UGT1A8: variants seen among roughly 807,000 people sequenced by gnomAD.
UGT1A8 encodes the protein UDP glucuronosyltransferase family 1 member A8, also known as UDP-glucuronosyltransferase 1A8.
UGT1A8 carries 39 observed loss-of-function variants against 45.3 expected under a neutral mutation model. The observed-to-expected ratio is 0.86, with a 90% CI of 0.67 to 1.12. UGT1A8 has a LOEUF of 1.12. Ranked by LOEUF, UGT1A8 falls within the 50% of genes most tolerant of loss-of-function variation. The probability of loss-of-function intolerance (pLI) is 0.00; values close to 1 mark genes in which losing one functional copy is unlikely to be tolerated. For missense variants in UGT1A8, 719 were observed against 664.9 expected (o/e 1.08, Z -0.90); for synonymous variants, 275 against 249.2 (o/e 1.10, Z -0.97).
In UGT1A8 at chr2:233,634,139, C is replaced by T. The variant is rs182290897; in HGVS notation, c.855+15577C>T. ...CAGTTTTGAGTGAGTTTCTTAATCC[C>T]GAGTTCTAATTTGATTGCACTGTGA... On this transcript the variant is annotated intron_variant, in intron 1 of 4. Coordinates refer to ENST00000373450, the MANE Select transcript of UGT1A8 (RefSeq NM_019076.5). 4.2e-3 allele frequency among the ~76,000 whole-genome samples: 645 copies of T among 152,048 alleles called. 4 individuals carry two copies. Among genetic ancestry groups the T allele is most frequent in the African/African-American group, 0.014 (599 of 41,516 alleles).
In UGT1A8 at chr2:233,682,932, C is replaced by T. The variant is rs935120253; in HGVS notation, c.855+64370C>T. 4 of 1,451,804 alleles carry T rather than the reference C, an allele frequency of 2.8e-6. No homozygotes were observed. In the African/African-American group the frequency reaches 5.7e-5, roughly 21 times the overall value. The allele number at this position is 1,451,804 out of a possible 1,614,324, so 89.9% of individuals were successfully genotyped here. Reference sequence around the variant, plus strand: ...TTTAAGGAATTCTTTTGTACCAATTCACTTAATTGTTGGGTAGCAAATTGT... The same window carrying T: ...TTTAAGGAATTCTTTTGTACCAATTTACTTAATTGTTGGGTAGCAAATTGT... On this transcript the variant is annotated intron_variant, in intron 1 of 4. Coordinates refer to ENST00000373450, the MANE Select transcript of UGT1A8 (RefSeq NM_019076.5).
chr2:233,709,219 T>G (rs2076065837), intron 1 of UGT1A8, among the ~76,000 whole-genome samples: 1 of 151,980 alleles, frequency 6.6e-6, no homozygotes, highest in African/African-American at 2.4e-5. Context: ...CATTTGAGAG[T>G]TTGGGGGAGG....
At chr2:233,760,529 T>C (rs1169787218) in intron 1 of UGT1A8, 1 of 1,614,248 alleles carries the variant, frequency 6.2e-7, no homozygotes, top group Middle Eastern at 1.6e-4. Flanking sequence ...ACGTACCCTG[T>C]GCCATTCCAA....
Position 233,743,999 on chromosome 2 carries a change from G to A in UGT1A8, c.856-23035G>A, listed in dbSNP as rs981482683. On this transcript the variant is annotated intron_variant, in intron 1 of 4. Coordinates refer to ENST00000373450, the MANE Select transcript of UGT1A8 (RefSeq NM_019076.5). The stretch of plus-strand genomic sequence containing the variant: ...CACCCAGGCGCAGGCCCGAGTGCTC[G>A]GAGACCTGGGCCGCCTGGAGAGACG... The A allele has an allele frequency of 1.1e-4, 135 of 1,220,038 alleles. 4 individuals carry two copies. The African/African-American group carries it at 1.5e-3, about 14-fold the overall frequency. The allele number at this position is 1,220,038 out of a possible 1,614,324, so 75.6% of individuals were successfully genotyped here. A position where few individuals can be genotyped will look rare whatever the true frequency, so the allele number is the denominator to read the frequency against.
chr2:233,671,663 A>G (rs1180249368), intron 1 of UGT1A8, among the ~76,000 whole-genome samples: 1 of 152,236 alleles, frequency 6.6e-6, no homozygotes, highest in East Asian at 1.9e-4. Flanking sequence ...TCTGCTTCTA[A>G]ACTTAACATT....
At chr2:233,650,456 G>C (rs2073711380) in intron 1 of UGT1A8, among the ~76,000 whole-genome samples, 1 of 152,202 alleles carries the variant, frequency 6.6e-6, no homozygotes, top group African/African-American at 2.4e-5. Context: ...GCTGTTAATT[G>C]TCAGTCTTCT....
At chr2:233,647,740 A>C (rs1025103762) in intron 1 of UGT1A8, among the ~76,000 whole-genome samples, 1 of 152,184 alleles carries the variant, frequency 6.6e-6, no homozygotes, top group East Asian at 1.9e-4. Context: ...TACTGCTCTC[A>C]TTCCTGATAT....
chr2:233,680,294 A>C (rs1489450054), intron 1 of UGT1A8, among the ~76,000 whole-genome samples: 1 of 152,106 alleles, frequency 6.6e-6, no homozygotes, highest in East Asian at 1.9e-4. Context: ...ATCATTTTTT[A>C]CTCTGACATG....
intron 1 of UGT1A8, among the ~76,000 whole-genome samples, chr2:233,671,329 A>G (rs1252497288): frequency 6.6e-6 from 1 of 152,196 alleles, no homozygotes; most frequent in African/African-American, 2.4e-5. Flanking sequence ...GGTATGGTCC[A>G]TGGAAGCAGG....
intron 1 of UGT1A8, among the ~76,000 whole-genome samples, chr2:233,709,702 T>A (rs2125616518): frequency 6.6e-6 from 1 of 152,356 alleles, no homozygotes; most frequent in East Asian, 1.9e-4. Context: ...AATTTTGTTC[T>A]TTTTTAATTG....
intron 1 of UGT1A8, among the ~76,000 whole-genome samples, chr2:233,762,481 T>G (rs948381917): frequency 6.6e-6 from 1 of 152,238 alleles, no homozygotes. Flanking sequence ...ATCACTCCAG[T>G]TTTAAATGCT....
At chr2:233,682,656 C>T (rs371311391) in intron 1 of UGT1A8, 32 of 1,613,804 alleles carry the variant, frequency 2.0e-5, no homozygotes, top group Non-Finnish European at 2.4e-5. Context: ...ACCCCTGTCA[C>T]GGCATATGAT....
At chr2:233,619,579 T>C (rs2072963439) in intron 1 of UGT1A8, among the ~76,000 whole-genome samples, 1 of 152,204 alleles carries the variant, frequency 6.6e-6, no homozygotes. Context: ...TTGTTTTATA[T>C]ACATAAATAA....
chr2:233,704,074 A>G (rs2075766194), intron 1 of UGT1A8, among the ~76,000 whole-genome samples: 1 of 151,960 alleles, frequency 6.6e-6, no homozygotes, highest in Admixed American at 6.6e-5. Flanking sequence ...TATTTTTTAT[A>G]GAGACAGAGT....
At chr2:233,656,520 T>G (rs1575404981) in intron 1 of UGT1A8, among the ~76,000 whole-genome samples, 1 of 152,228 alleles carries the variant, frequency 6.6e-6, no homozygotes, top group East Asian at 1.9e-4. Context: ...AAAAACTCTG[T>G]GGCAGTTGGA....
At chr2:233,646,623 T>C (rs1290624649) in intron 1 of UGT1A8, among the ~76,000 whole-genome samples, 1 of 121,898 alleles carries the variant, frequency 8.2e-6, no homozygotes, top group Non-Finnish European at 2.1e-5. Context: ...CCAGTCTCTT[T>C]GCTAAAACAT....
chr2:233,617,689 C>G lies in UGT1A8; in HGVS notation c.-19C>G. 1 of 1,602,484 alleles carries G rather than the reference C, an allele frequency of 6.2e-7. No individual in the cohort carries two copies. The highest frequency in any genetic ancestry group is 1.1e-5 in the South Asian group (1 of 89,190). On this transcript the variant is annotated 5_prime_UTR_variant, in exon 1 of 5. Transcript: ENST00000373450. Reference sequence around the variant, plus strand: ...AGCAGCTTAGAATCCCAGCTGCTGGCTCGGGCTGCAGTTCTCTCATGGCTC... The same window carrying G: ...AGCAGCTTAGAATCCCAGCTGCTGGGTCGGGCTGCAGTTCTCTCATGGCTC...
Position 233,693,995 on chromosome 2 carries a change from G to A in UGT1A8, c.856-73039G>A, listed in dbSNP as rs7592281. ...GAAACGGTGGGGGGAAGTGATACCCGGCTCGGAGCAGCGGGAACACATAGG... is the reference window on the plus strand; with the variant it reads ...GAAACGGTGGGGGGAAGTGATACCCAGCTCGGAGCAGCGGGAACACATAGG... On this transcript the variant is annotated intron_variant, in intron 1 of 4. Transcript: ENST00000373450. 1.4e-4 allele frequency: 214 copies of A among 1,516,840 alleles called. 1 individual carries two copies. The highest frequency in any genetic ancestry group is 1.8e-4 in the Non-Finnish European group (199 of 1,126,318). The allele number at this position is 1,516,840 out of a possible 1,614,324, so 94.0% of individuals were successfully genotyped here.
At chr2:233,737,500 C>T (rs2078887926) in intron 1 of UGT1A8, among the ~76,000 whole-genome samples, 1 of 152,232 alleles carries the variant, frequency 6.6e-6, no homozygotes, top group South Asian at 2.1e-4. Flanking sequence ...ATCCCTCACC[C>T]TCTTGCACTT....
Sources: gnomAD v4.1 joint callset for allele counts (sites outside exome capture counted in the v4.1 genomes callset) on GRCh38, gnomAD v4.1.1 for gene constraint, MANE v1.5 for transcripts, NCBI Gene and HGNC (gene_info 2026-07-23, HGNC 2026-07-21) for gene names.